Variants in HNRNPA2B1 observed in about 807,000 individuals in gnomAD.
HNRNPA2B1 encodes the protein heterogeneous nuclear ribonucleoprotein A2/B1, also known as heterogeneous nuclear ribonucleoproteins A2/B1.
Under a neutral mutation model 46.3 loss-of-function variants are expected in HNRNPA2B1, and 3 were observed. The observed-to-expected ratio is 0.06, with a 90% confidence interval of 0.03 to 0.17. HNRNPA2B1 has a LOEUF of 0.17. Ranked by LOEUF, HNRNPA2B1 falls within the 10% of genes least tolerant of loss-of-function variation. HNRNPA2B1 has a pLI of 1.00. For synonymous variants in HNRNPA2B1, 225 were observed against 133.8 expected, an observed-to-expected ratio of 1.68 and a Z score of -4.70; for missense variants, 221 against 418.9, an observed-to-expected ratio of 0.53 and a Z score of 4.12.
At chr7:26,192,689 T>G (rs954857823) in intron 9 of HNRNPA2B1, 112 bp from the exon 10 acceptor site, 1 of 866,708 alleles carries the variant, frequency 1.2e-6, no homozygotes, top group East Asian at 2.4e-5. Context: ...AACAAGCAGA[T>G]CCTAATCCTT....
intron 1 of HNRNPA2B1, chr7:26,199,965 A>C (rs1784186683): frequency 6.5e-6 from 1 of 153,720 alleles, no homozygotes; most frequent in African/African-American, 2.4e-5. Flanking sequence ...GGTGCGCAGG[A>C]CTCTAAAGAT....
In HNRNPA2B1 at chr7:26,190,183, G is replaced by A. The variant is rs1782739490; in HGVS notation, c.*2177C>T. The A allele has an allele frequency of 6.6e-6, 1 of 152,530 alleles. No individual in the cohort carries two copies. Among genetic ancestry groups the A allele is most frequent in the African/African-American group, 2.4e-5 (1 of 41,426 alleles). The allele number at this position is 152,530 out of a possible 1,614,324, so 9.4% of individuals were successfully genotyped here. On this transcript the variant is annotated 3_prime_UTR_variant, in exon 11 of 11. Coordinates refer to ENST00000618183, the MANE Select transcript of HNRNPA2B1 (RefSeq NM_002137.4). The stretch of plus-strand genomic sequence containing the variant: ...TATATTTAAAATAGAATTGTAATCT[G>A]TCTACTCACAAAACCTAATTTAAAA...
intron 7 of HNRNPA2B1, among the ~76,000 whole-genome samples, chr7:26,194,833 G>GC (rs896739356): frequency 2.0e-5 from 3 of 150,978 alleles, no homozygotes; most frequent in Non-Finnish European, 4.4e-5. Flanking sequence ...GGTTGCTCAC[G>GC]CCTGTAACCC....
At chr7:26,194,055 A>G (rs1158218838) in intron 7 of HNRNPA2B1, among the ~76,000 whole-genome samples, 1 of 152,244 alleles carries the variant, frequency 6.6e-6, no homozygotes, top group Non-Finnish European at 1.5e-5. Flanking sequence ...CTACTGGCCC[A>G]AAAGATAAAG....
At chr7:26,195,472 G>GTTACGGGTTTAGACATA (rs1269362555) in intron 7 of HNRNPA2B1, among the ~76,000 whole-genome samples, 1 of 151,878 alleles carries the variant, frequency 6.6e-6, no homozygotes, top group Non-Finnish European at 1.5e-5. Context: ...TTCCCATCTA[G>GTTACGGGTTTAGACATA]TTACGGGTTT....
chr7:26,196,823 A>G lies in HNRNPA2B1; in HGVS notation c.459T>C (p.Pro153=). The change falls in exon 4 of 11, where the codon CCT becomes CCC. Residue 153 remains proline (P), a synonymous_variant. Transcript: ENST00000618183. ...FGFVTFDDHD[P]VDKIVLQKYH... ...GACACTTACATACGATTTTATCCAC[A>G]GGATCATGGTCATCAAAAGTAACAA... 6.2e-7 allele frequency: 1 copy of G among 1,613,676 alleles called. No homozygotes were observed. Among genetic ancestry groups the G allele is most frequent in the Non-Finnish European group, 8.5e-7 (1 of 1,179,794 alleles).
intron 7 of HNRNPA2B1, 43 bp downstream of exon 7, chr7:26,195,804 G>A: frequency 5.0e-6 from 8 of 1,596,922 alleles, no homozygotes; most frequent in South Asian, 1.1e-5. Flanking sequence ...ATATAGTTAA[G>A]TATTAGTCAC....
intron 1 of HNRNPA2B1, 51 bp downstream of exon 1, chr7:26,200,521 A>C: frequency 6.2e-7 from 1 of 1,604,136 alleles, no homozygotes; most frequent in Non-Finnish European, 8.5e-7. Context: ...CTGAGGCGCC[A>C]ACGGCCTCGC....
At chr7:26,197,154 C>A (rs553845721) in intron 3 of HNRNPA2B1, 137 bp from the exon 4 acceptor site, 2 of 1,149,540 alleles carry the variant, frequency 1.7e-6, no homozygotes, top group East Asian at 2.4e-5. Context: ...AGGGACCTAG[C>A]TTTTGAAAAA....
intron 1 of HNRNPA2B1, 130 bp downstream of exon 1, chr7:26,200,442 A>G (rs1347672000): frequency 1.1e-6 from 1 of 900,892 alleles, no homozygotes; most frequent in African/African-American, 1.6e-5. Flanking sequence ...CATAAACCTT[A>G]AGCCCCACTG....
chr7:26,196,797 A>C lies in HNRNPA2B1; in HGVS notation c.475+10T>G. The C allele has an allele frequency of 3.1e-6, 5 of 1,609,498 alleles. No individual in the cohort carries two copies. Among genetic ancestry groups the C allele is most frequent in the Non-Finnish European group, 3.4e-6 (4 of 1,176,456 alleles). On this transcript the variant is annotated intron_variant, in intron 4 of 10. Transcript: ENST00000618183. Reference sequence around the variant, plus strand: ...GGAAAAAAACAGTACATTTGTGGTTAGACACTTACATACGATTTTATCCAC... The same window carrying C: ...GGAAAAAAACAGTACATTTGTGGTTCGACACTTACATACGATTTTATCCAC...
chr7:26,200,555 G>C lies in HNRNPA2B1; in HGVS notation c.6+17C>G, dbSNP rs1027258650. On this transcript the variant is annotated intron_variant, in intron 1 of 10. Transcript: ENST00000618183. The stretch of plus-strand genomic sequence containing the variant: ...GCCATGCCCTTTTCAATAACTCATT[G>C]ATTTCAAACCCGTTACCTCCATCGC... 2 of 1,612,850 alleles carry C rather than the reference G, an allele frequency of 1.2e-6. No individual in the cohort carries two copies. The highest frequency in any genetic ancestry group is 1.3e-5 in the African/African-American group (1 of 74,926).
At chr7:26,198,458 A>G (rs1265957593) in intron 1 of HNRNPA2B1, 1 of 152,496 alleles carries the variant, frequency 6.6e-6, no homozygotes. Flanking sequence ...GGACATGTCT[A>G]TATTTGATAT....
At position 26,196,795 on chromosome 7, in the gene HNRNPA2B1, T is replaced by C; in HGVS notation, c.475+12A>G. Reference sequence around the variant, plus strand: ...CTGGAAAAAAACAGTACATTTGTGGTTAGACACTTACATACGATTTTATCC... The same window carrying C: ...CTGGAAAAAAACAGTACATTTGTGGCTAGACACTTACATACGATTTTATCC... On this transcript the variant is annotated intron_variant, in intron 4 of 10. Coordinates refer to ENST00000618183, the MANE Select transcript of HNRNPA2B1 (RefSeq NM_002137.4). 6.2e-7 allele frequency: 1 copy of C among 1,608,782 alleles called. No homozygotes were observed. The highest frequency in any genetic ancestry group is 1.7e-5 in the Admixed American group (1 of 59,860).
chr7:26,200,345 C>T (rs908209880), intron 1 of HNRNPA2B1: 2 of 598,784 alleles, frequency 3.3e-6, no homozygotes, highest in African/African-American at 1.9e-5. Context: ...GCTCCCCATC[C>T]CCCACCCCCA....
At chr7:26,196,777 A>C (rs375328702) in intron 4 of HNRNPA2B1, 30 bp downstream of exon 4, 63 of 1,597,536 alleles carry the variant, frequency 3.9e-5, no homozygotes, top group Non-Finnish European at 5.0e-5. Context: ...ACACTGGAAA[A>C]AAACAGTACA....
At chr7:26,196,512 C>T (rs1783657680) in intron 5 of HNRNPA2B1, 31 bp from the exon 6 acceptor site, 2 of 1,612,902 alleles carry the variant, frequency 1.2e-6, no homozygotes, top group Admixed American at 3.3e-5. Context: ...AGAAGCAAGC[C>T]CTTATATATG....
At chr7:26,193,437 C>T in intron 8 of HNRNPA2B1, 64 bp from the exon 9 acceptor site, 14 of 1,546,166 alleles carry the variant, frequency 9.1e-6, no homozygotes, top group Non-Finnish European at 1.1e-5. Flanking sequence ...GGACAAAGCT[C>T]CCATAAAAAC....
rs1411509612 is a variant in HNRNPA2B1, at chr7:26,191,920, A to C, written c.*440T>G. On this transcript the variant is annotated 3_prime_UTR_variant, in exon 11 of 11. Coordinates refer to ENST00000618183, the MANE Select transcript of HNRNPA2B1 (RefSeq NM_002137.4). Reference sequence around the variant, plus strand: ...TCTACACACGCACTTAAATTTTTTTAAAGGAAAAACGTTATGTCTTATTAC... The same window carrying C: ...TCTACACACGCACTTAAATTTTTTTCAAGGAAAAACGTTATGTCTTATTAC... 6.5e-6 allele frequency: 1 copy of C among 152,792 alleles called. No homozygotes were observed. The highest frequency in any genetic ancestry group is 3.4e-3 in the Middle Eastern group (1 of 294). 9.5% of individuals were successfully genotyped at this position (152,792 alleles called of 1,614,324 possible). A position where few individuals can be genotyped will look rare whatever the true frequency, so the allele number is the denominator to read the frequency against.
Sources: allele counts gnomAD v4.1 joint callset (sites outside exome capture counted in the v4.1 genomes callset), GRCh38; gene constraint gnomAD v4.1.1; transcripts MANE v1.5; gene names NCBI Gene and HGNC (gene_info 2026-07-23, HGNC 2026-07-21).